The following TLK1 variants were observed in gnomAD, a reference collection of about 807,000 sequenced individuals.
The protein encoded by TLK1 is serine/threonine-protein kinase tousled-like 1.
TLK1 carries 24 observed loss-of-function variants against 105.3 expected under a neutral mutation model. The observed-to-expected ratio is 0.23, with a 90% confidence interval of 0.17 to 0.32. The LOEUF (loss-of-function observed/expected upper bound fraction) is 0.32. Ranked by LOEUF, TLK1 falls within the 10% of genes least tolerant of loss-of-function variation. TLK1 has a pLI of 1.00. For synonymous variants in TLK1, 321 were observed against 310.4 expected, an observed-to-expected ratio of 1.03 and a Z score of -0.36; for missense variants, 558 against 910.5, an observed-to-expected ratio of 0.61 and a Z score of 4.98.
At chr2:171,142,385 T>C (rs1176841383) in intron 1 of TLK1, among the ~76,000 whole-genome samples, 1 of 152,188 alleles carries the variant, frequency 6.6e-6, no homozygotes, top group Non-Finnish European at 1.5e-5. Context: ...TAAACTAGTA[T>C]ATGCAACTTA....
intron 18 of TLK1, among the ~76,000 whole-genome samples, chr2:170,998,085 T>TCTAC (rs765163339): frequency 1.8e-5 from 2 of 109,140 alleles, no homozygotes; most frequent in African/African-American, 8.2e-5. Context: ...TATCTATCTA[T>TCTAC]CTATCTACCT....
intron 11 of TLK1, among the ~76,000 whole-genome samples, chr2:171,040,188 T>G (rs2105412480): frequency 6.6e-6 from 1 of 152,206 alleles, no homozygotes; most frequent in Non-Finnish European, 1.5e-5. Context: ...AAGATAAGCC[T>G]CAATAAGTAA....
chr2:171,195,516 A>AAT (rs1378641550), intron 1 of TLK1, among the ~76,000 whole-genome samples: 1 of 151,656 alleles, frequency 6.6e-6, no homozygotes, highest in Non-Finnish European at 1.5e-5. Flanking sequence ...AAAAAAAAAA[A>AAT]AAAAAACATA....
At chr2:171,085,064 G>C (rs1688910083) in intron 2 of TLK1, among the ~76,000 whole-genome samples, 1 of 152,124 alleles carries the variant, frequency 6.6e-6, no homozygotes, top group African/African-American at 2.4e-5. Flanking sequence ...AACTACTAAA[G>C]CCAGAAAATA....
chr2:171,035,294 A>T (rs1470625188), intron 11 of TLK1, among the ~76,000 whole-genome samples: 3 of 152,016 alleles, frequency 2.0e-5, no homozygotes, highest in Admixed American at 1.3e-4. Context: ...GTGAGCCGAG[A>T]TCTTGACACT....
At chr2:171,094,940 G>A (rs539001084) in intron 2 of TLK1, among the ~76,000 whole-genome samples, 1 of 152,190 alleles carries the variant, frequency 6.6e-6, no homozygotes, top group Admixed American at 6.5e-5. Context: ...GGAGAAGAGG[G>A]TAGCAGATAC....
chr2:171,071,710 G>A (rs1688265148), intron 3 of TLK1, among the ~76,000 whole-genome samples: 1 of 152,078 alleles, frequency 6.6e-6, no homozygotes, highest in African/African-American at 2.4e-5. Context: ...ACAGTTTGAG[G>A]TCTTTTTAGA....
intron 1 of TLK1, among the ~76,000 whole-genome samples, chr2:171,159,283 T>G (rs921841256): frequency 6.6e-6 from 1 of 152,218 alleles, no homozygotes; most frequent in Non-Finnish European, 1.5e-5. Context: ...ACCGCTAAGC[T>G]TTTTCCAGAC....
chr2:171,041,703 ACT>A (rs1243587773), intron 11 of TLK1, among the ~76,000 whole-genome samples: 1 of 152,154 alleles, frequency 6.6e-6, no homozygotes, highest in Non-Finnish European at 1.5e-5. Flanking sequence ...CCATGAAAAC[ACT>A]GTCTTCCACA....
In TLK1 at chr2:170,996,580, T is replaced by C. The variant is rs1189713023; in HGVS notation, c.2124+73A>G. On this transcript the variant is annotated intron_variant, in intron 20 of 20. Coordinates refer to ENST00000431350, the MANE Select transcript of TLK1 (RefSeq NM_012290.5). ...TCTTGTGACTTTACTTACTGGAAAGTACTTACCTTGTTGTCAGCACAACTG... is the reference window on the plus strand; with the variant it reads ...TCTTGTGACTTTACTTACTGGAAAGCACTTACCTTGTTGTCAGCACAACTG... 3 of 1,263,306 alleles carry C rather than the reference T, an allele frequency of 2.4e-6. No homozygotes were observed. In the African/African-American group the frequency reaches 4.5e-5, roughly 19 times the overall value. The allele number at this position is 1,263,306 out of a possible 1,614,324, so 78.3% of individuals were successfully genotyped here.
At chr2:171,218,333 A>G (rs922126022) in intron 1 of TLK1, among the ~76,000 whole-genome samples, 2 of 152,174 alleles carry the variant, frequency 1.3e-5, no homozygotes, top group African/African-American at 2.4e-5. Flanking sequence ...ATAGAGACGG[A>G]AAGTAGAATG....
chr2:171,067,453 G>A (rs1046868501), intron 3 of TLK1, among the ~76,000 whole-genome samples: 5 of 151,950 alleles, frequency 3.3e-5, no homozygotes, highest in South Asian at 4.2e-4. Flanking sequence ...GAGCCACCAC[G>A]CCCGGCCACA....
upstream of TLK1, among the ~76,000 whole-genome samples, chr2:171,162,453 G>A (rs1267297054): frequency 6.6e-6 from 1 of 152,174 alleles, no homozygotes; most frequent in Non-Finnish European, 1.5e-5. Flanking sequence ...CAGGAGAATC[G>A]CTTGAACCCG....
At chr2:171,196,443 T>A (rs1317182496) in intron 1 of TLK1, among the ~76,000 whole-genome samples, 1 of 152,220 alleles carries the variant, frequency 6.6e-6, no homozygotes, top group East Asian at 1.9e-4. Flanking sequence ...TGAGACCTTT[T>A]CATTTTATTT....
Position 171,042,540 on chromosome 2 carries a change from C to T in TLK1, c.1169+3634G>A, listed in dbSNP as rs13432720. On this transcript the variant is annotated intron_variant, in intron 11 of 20. Transcript: ENST00000431350. ...GGATTACAGGCATGAGTCACTGCAC[C>T]CAGCCTAAATGCTTGTGTATTGTAA... is the stretch of plus-strand genomic sequence containing the variant. Among the ~76,000 whole-genome samples the T allele has an allele frequency of 8.1e-3, 1,233 of 152,178 alleles. 20 individuals are homozygous for T. The highest frequency in any genetic ancestry group is 0.028 in the African/African-American group (1,165 of 41,496).
chr2:171,152,716 C>T (rs1692090666), intron 1 of TLK1, among the ~76,000 whole-genome samples: 2 of 152,116 alleles, frequency 1.3e-5, no homozygotes, highest in South Asian at 4.1e-4. Context: ...AAAGCCTCCA[C>T]AATAAATAGA....
intron 1 of TLK1, among the ~76,000 whole-genome samples, chr2:171,149,737 C>T (rs1296092787): frequency 2.0e-5 from 3 of 152,088 alleles, no homozygotes; most frequent in African/African-American, 7.2e-5. Flanking sequence ...GAGACCATGT[C>T]TCCACAAAAA....
chr2:171,105,437 G>A (rs941720389), intron 2 of TLK1, among the ~76,000 whole-genome samples: 16 of 152,228 alleles, frequency 1.1e-4, no homozygotes, highest in Non-Finnish European at 2.2e-4. Flanking sequence ...TGTAATCCCA[G>A]CACTTTGGGA....
chr2:171,176,382 A>G (rs1319813609), intron 1 of TLK1, among the ~76,000 whole-genome samples: 1 of 152,042 alleles, frequency 6.6e-6, no homozygotes, highest in African/African-American at 2.4e-5. Flanking sequence ...CTGAGCTCCA[A>G]CCTCGGCTAG....
Sources: gnomAD v4.1 joint callset for allele counts (sites outside exome capture counted in the v4.1 genomes callset) on GRCh38, gnomAD v4.1.1 for gene constraint, MANE v1.5 for transcripts, NCBI Gene and HGNC (gene_info 2026-07-23, HGNC 2026-07-21) for gene names.